The following MYH15 variants were observed in gnomAD, a reference collection of about 807,000 sequenced individuals.
MYH15 encodes myosin-15.
In MYH15, 227 loss-of-function variants were observed where a neutral mutation model predicts 240.5. The observed-to-expected ratio is 0.94, with a 90% CI of 0.85 to 1.05. The LOEUF (loss-of-function observed/expected upper bound fraction) is 1.05, where lower values mean the gene tolerates loss of function less well. MYH15 is among the 50% of genes least tolerant of loss of function. The pLI, the probability that MYH15 is intolerant of heterozygous loss-of-function variation, is 0.00. For missense variants in MYH15, 2,217 were observed against 2,247.5 expected, an observed-to-expected ratio of 0.99 and a Z score of 0.27; for synonymous variants, 785 against 796.7, an observed-to-expected ratio of 0.99 and a Z score of 0.25.
At chr3:108,423,458 G>A (rs1458229004) in intron 27 of MYH15, among the ~76,000 whole-genome samples, 1 of 152,184 alleles carries the variant, frequency 6.6e-6, no homozygotes, top group Non-Finnish European at 1.5e-5. Flanking sequence ...ACATAGGTTA[G>A]AGCATTAATG....
chr3:108,541,606 G>A, the MYH15 span, among the ~76,000 whole-genome samples: 1 of 152,090 alleles, frequency 6.6e-6, no homozygotes, highest in Admixed American at 6.6e-5. Flanking sequence ...TGAAAAACTT[G>A]GATTACAATG....
upstream of MYH15, among the ~76,000 whole-genome samples, chr3:108,533,938 A>C (rs1487444049): frequency 6.6e-6 from 1 of 152,224 alleles, no homozygotes; most frequent in East Asian, 1.9e-4. Flanking sequence ...GTGAGGCTGA[A>C]TCTATAGATG....
At chr3:108,408,543 T>G in intron 31 of MYH15, 139 bp from the exon 32 acceptor site, 1 of 763,472 alleles carries the variant, frequency 1.3e-6, no homozygotes, top group Non-Finnish European at 2.0e-6. Context: ...CTATCCTATA[T>G]GGGACCGAGA....
intron 20 of MYH15, 90 bp downstream of exon 20, chr3:108,455,646 G>A: frequency 2.1e-6 from 3 of 1,406,496 alleles, no homozygotes; most frequent in Non-Finnish European, 3.0e-6. Flanking sequence ...GCTGAAGAAT[G>A]CCTTATAATT....
chr3:108,550,366 C>A, the MYH15 span: 1 of 151,180 alleles, frequency 6.6e-6, no homozygotes, highest in Non-Finnish European at 1.5e-5. Flanking sequence ...CCAAATTATC[C>A]TTATGTAAAT....
At chr3:108,414,136 T>A in intron 30 of MYH15, 96 bp downstream of exon 30, 1 of 1,312,822 alleles carries the variant, frequency 7.6e-7, no homozygotes, top group Admixed American at 2.1e-5. Flanking sequence ...CAAGGATTTG[T>A]TAAGTGCATA....
intron 14 of MYH15, among the ~76,000 whole-genome samples, chr3:108,465,227 C>A (rs2083104790): frequency 6.6e-6 from 1 of 152,130 alleles, no homozygotes; most frequent in Non-Finnish European, 1.5e-5. Context: ...GGTAAGACAC[C>A]TCTCCTGAAT....
rs1249756980 is a variant in MYH15 at position 108,476,489 on chromosome 3, C to T, written c.1141G>A (p.Gly381Ser). 6.2e-7 allele frequency: 1 copy of T among 1,612,418 alleles called. No homozygotes were observed. The highest frequency in any genetic ancestry group is 8.5e-7 in the Non-Finnish European group (1 of 1,178,964). ...ENADKAAFLM[G>S]INSSELVKCL... ...TTTACCAACTCAGAGGAGTTAATGC[C>T]CATGAGGAAAGCAGCTTTGTCAGCA... Residue 381 changes from glycine (G) to serine (S), a missense_variant, in exon 12 of 41, where the codon GGC (glycine) becomes AGC (serine). Gly to Ser is a moderately conservative substitution (Grantham distance 56, BLOSUM62 0). Transcript: ENST00000693548.
At chr3:108,464,113 C>G (rs1024771996) in intron 15 of MYH15, among the ~76,000 whole-genome samples, 2 of 152,138 alleles carry the variant, frequency 1.3e-5, no homozygotes, top group Admixed American at 6.5e-5. Context: ...TATCAATTCT[C>G]TTTTTGTTCC....
chr3:108,426,813 A>AG (rs905747547), intron 27 of MYH15, among the ~76,000 whole-genome samples: 78 of 146,066 alleles, frequency 5.3e-4, no homozygotes, highest in Middle Eastern at 3.4e-3. Flanking sequence ...AGCTCCTGCC[A>AG]GGGGGGGGCA....
chr3:108,392,017 C>G, intron 36 of MYH15, 87 bp from the exon 37 acceptor site: 1 of 1,418,826 alleles, frequency 7.0e-7, no homozygotes, highest in Non-Finnish European at 9.7e-7. Context: ...CCTGGTCTGA[C>G]TGGCTGCCAC....
intron 21 of MYH15, among the ~76,000 whole-genome samples, chr3:108,447,819 A>G (rs747424544): frequency 1.3e-5 from 2 of 152,182 alleles, no homozygotes; most frequent in Admixed American, 6.5e-5. Context: ...CAAATTCAGA[A>G]TAATACTGTA....
intron 29 of MYH15, among the ~76,000 whole-genome samples, chr3:108,416,587 G>C (rs1040150896): frequency 6.6e-6 from 1 of 152,050 alleles, no homozygotes; most frequent in Non-Finnish European, 1.5e-5. Context: ...TACAAGATGG[G>C]AACACACACT....
At chr3:108,524,193 G>A (rs1211845204) in intron 1 of MYH15, among the ~76,000 whole-genome samples, 1 of 151,874 alleles carries the variant, frequency 6.6e-6, no homozygotes. Flanking sequence ...ACTTTTTCCT[G>A]CATTACTGAC....
In MYH15 at chr3:108,493,157, G is replaced by C; in HGVS notation, c.732C>G (p.His244Gln). Residue 244 changes from histidine (H) to glutamine (Q), a missense_variant, in exon 8 of 41, where the codon CAC becomes CAG. Transcript: ENST00000693548. ...ATGACAGCATGCCTCTGGCACCAAA[G>C]TGCATCCTGATGAATTTGCCCTAGT... ...SSRFGKFIRM[H>Q]FGARGMLSSV... The C allele has an allele frequency of 1.2e-6, 2 of 1,614,090 alleles. No homozygotes were observed. The highest frequency in any genetic ancestry group is 1.7e-6 in the Non-Finnish European group (2 of 1,179,982).
intron 1 of MYH15, among the ~76,000 whole-genome samples, chr3:108,528,062 A>C (rs902706852): frequency 6.6e-6 from 1 of 152,148 alleles, no homozygotes; most frequent in East Asian, 1.9e-4. Flanking sequence ...AACAGTATTA[A>C]TCCGTTAATG....
rs920617781 is a variant in MYH15 at position 108,428,608 on chromosome 3, C to T, written c.3586G>A (p.Glu1196Lys). The change falls in exon 27 of 41, where the codon GAG becomes AAG. Residue 1196 changes from glutamate (E) to lysine (K), a missense_variant. Physicochemically the swap from Glu to Lys is moderately conservative, Grantham distance 56. Transcript: ENST00000693548. ...TGCTGTAGATTTTCTACCTGGCCCT[C>T]GAGCTCAGCCAGGCTGTCTGCATGT... The part of the protein sequence containing the change: ...KRHADSLAEL[E>K]GQVENLQQVK... The T allele has an allele frequency of 2.5e-6, 4 of 1,613,738 alleles. No individual in the cohort carries two copies. The highest frequency in any genetic ancestry group is 1.6e-4 in the Middle Eastern group (1 of 6,084).
At chr3:108,486,346 G>T in intron 10 of MYH15, 77 bp downstream of exon 10, 1 of 1,238,964 alleles carries the variant, frequency 8.1e-7, no homozygotes, top group Non-Finnish European at 1.2e-6. Context: ...GGGTCCCTAA[G>T]AACAGAACTC....
the MYH15 span, among the ~76,000 whole-genome samples, chr3:108,545,602 T>A: frequency 6.6e-6 from 1 of 152,006 alleles, no homozygotes; most frequent in African/African-American, 2.4e-5. Flanking sequence ...TTTTAAAAAG[T>A]TAAAGTAACA....
Sources: allele counts gnomAD v4.1 joint callset (sites outside exome capture counted in the v4.1 genomes callset), GRCh38; gene constraint gnomAD v4.1.1; transcripts MANE v1.5; gene names NCBI Gene and HGNC (gene_info 2026-07-23, HGNC 2026-07-21).